CAPN10: variants seen among roughly 807,000 people sequenced by gnomAD.
CAPN10 encodes the protein calpain 10.
A neutral mutation model predicts 78.4 loss-of-function variants in CAPN10; 71 were observed. The observed-to-expected ratio is 0.91, with a 90% confidence interval of 0.75 to 1.10. The LOEUF (loss-of-function observed/expected upper bound fraction) is 1.10, where lower values mean the gene tolerates loss of function less well. CAPN10 is among the 50% of genes least tolerant of loss of function. CAPN10 has a pLI of 0.00. For missense variants in CAPN10, 849 were observed against 924.6 expected (o/e 0.92, Z 1.06); for synonymous variants, 437 against 407.2 (o/e 1.07, Z -0.88).
At position 240,595,231 on chromosome 2, in the gene CAPN10, AC is replaced by A; in HGVS notation, c.1206del (p.Asp402GlufsTer26). ...WAGRARALVG[D>X]SHTSWSPASI... ...GGCCGGGCCCGGGCACTGGTGGGTGACAGTCATACTTCGTGGAGCCCAGCGA... is the reference window on the plus strand; with the variant it reads ...GGCCGGGCCCGGGCACTGGTGGGTGAAGTCATACTTCGTGGAGCCCAGCGA... On this transcript the variant is annotated frameshift_variant, in exon 7 of 12. Coordinates refer to ENST00000391984, the MANE Select transcript of CAPN10 (RefSeq NM_023083.4). LOFTEE classifies it high-confidence loss of function. 1 of 1,613,616 alleles carries A rather than the reference AC, an allele frequency of 6.2e-7. No homozygotes were observed. Among genetic ancestry groups the A allele is most frequent in the Non-Finnish European group, 8.5e-7 (1 of 1,179,998 alleles).
At chr2:240,589,602 G>A (rs749938829) in intron 2 of CAPN10, 128 bp downstream of exon 2, 33 of 1,205,540 alleles carry the variant, frequency 2.7e-5, no homozygotes, top group Non-Finnish European at 3.8e-5. Context: ...TGTGTTGGGG[G>A]AAGGCAGGAG....
chr2:240,589,203 C>A, intron 1 of CAPN10, 140 bp from the exon 2 acceptor site: 1 of 1,110,672 alleles, frequency 9.0e-7, no homozygotes, highest in Admixed American at 1.8e-5. Flanking sequence ...TGCAGGAAAC[C>A]ACCTTCCTGT....
In CAPN10 at chr2:240,586,766, G is replaced by C. The variant is rs2093070094; in HGVS notation, c.-146G>C. 1 of 736,132 alleles carries C rather than the reference G, an allele frequency of 1.4e-6. No homozygotes were observed. Among genetic ancestry groups the C allele is most frequent in the Non-Finnish European group, 1.9e-6 (1 of 525,416 alleles). 45.6% of individuals were successfully genotyped at this position (736,132 alleles called of 1,614,324 possible). On this transcript the variant is annotated 5_prime_UTR_variant, in exon 1 of 12. Coordinates refer to ENST00000391984, the MANE Select transcript of CAPN10 (RefSeq NM_023083.4). ...CGGGCCGGCGTACTGGCCTGGTCCA[G>C]CACCTGCGGGGCCCTCGGGCTTGGA...
intron 7 of CAPN10, 118 bp downstream of exon 7, chr2:240,595,422 A>T: frequency 1.8e-6 from 2 of 1,118,930 alleles, no homozygotes; most frequent in Non-Finnish European, 1.3e-6. Flanking sequence ...GGGCCCCACC[A>T]GTCTCCCCCC....
Position 240,596,365 on chromosome 2 carries a change from C to T in CAPN10, c.1325C>T (p.Pro442Leu). 1.9e-6 allele frequency: 3 copies of T among 1,612,882 alleles called. No homozygotes were observed. Among genetic ancestry groups the T allele is most frequent in the Non-Finnish European group, 2.5e-6 (3 of 1,179,734 alleles). The change falls in exon 8 of 12, where the codon CCC becomes CTC. Residue 442 changes from proline to leucine, a missense_variant. By Grantham distance (98) the Pro-to-Leu change is moderately conservative. Coordinates refer to ENST00000391984, the MANE Select transcript of CAPN10 (RefSeq NM_023083.4). ...VNLPRVLSMP[P>L]VAGTACHAYD... ...CTGCCTAGGGTCCTGTCCATGCCCCCCGTGGCTGGCACCGCGTGCCATGCA... is the reference window on the plus strand; with the variant it reads ...CTGCCTAGGGTCCTGTCCATGCCCCTCGTGGCTGGCACCGCGTGCCATGCA...
chr2:240,590,264 G>A (rs548512825), intron 2 of CAPN10: 2 of 152,784 alleles, frequency 1.3e-5, no homozygotes, highest in African/African-American at 4.8e-5. Context: ...GAGCCCTGCG[G>A]TGGACGCTGT....
intron 9 of CAPN10, 121 bp from the exon 10 acceptor site, chr2:240,597,767 C>T (rs1358198720): frequency 3.4e-6 from 3 of 874,092 alleles, no homozygotes; most frequent in African/African-American, 3.4e-5. Context: ...CCTGGCAGCC[C>T]CTCCTCAGAG....
chr2:240,588,849 G>A (rs1046667930), intron 1 of CAPN10, among the ~76,000 whole-genome samples: 1 of 152,138 alleles, frequency 6.6e-6, no homozygotes, highest in African/African-American at 2.4e-5. Flanking sequence ...CAGGCTCTGA[G>A]GGCAGGAGAG....
At chr2:240,590,607 T>G (rs2093095314) in intron 2 of CAPN10, 1 of 558,650 alleles carries the variant, frequency 1.8e-6, no homozygotes, top group East Asian at 2.9e-5. Context: ...TAGAGTTCTC[T>G]GCGACATCCA....
At chr2:240,594,853 G>A (rs2093126131) in intron 6 of CAPN10, 144 bp downstream of exon 6, 1 of 1,212,834 alleles carries the variant, frequency 8.2e-7, no homozygotes, top group Non-Finnish European at 1.1e-6. Flanking sequence ...GCCGGGAGGA[G>A]GGTGATGATT....
chr2:240,592,424 C>T, intron 4 of CAPN10: 1 of 687,682 alleles, frequency 1.5e-6, no homozygotes, highest in Non-Finnish European at 2.7e-6. Flanking sequence ...ACTGTCTGTG[C>T]CATCCCTGGC....
At position 240,596,911 on chromosome 2, in the gene CAPN10, A is replaced by G. The variant is rs567799333; in HGVS notation, c.1712A>G (p.Glu571Gly). The change falls in exon 9 of 12, where the codon GAG becomes GGG. Residue 571 changes from glutamate to glycine, a missense_variant. Coordinates refer to ENST00000391984, the MANE Select transcript of CAPN10 (RefSeq NM_023083.4). ...LHQHCRPSDTEFHPIGFHIFQ... is the reference protein window; with the variant it reads ...LHQHCRPSDTGFHPIGFHIFQ... ...CAGCACTGCCGGCCCAGTGACACCG[A>G]GTTCCACCCCATCGGCTTCCATATC... 6.2e-7 allele frequency: 1 copy of G among 1,613,540 alleles called. No homozygotes were observed. The highest frequency in any genetic ancestry group is 2.2e-5 in the East Asian group (1 of 44,880).
At chr2:240,595,366 C>T (rs1347552373) in intron 7 of CAPN10, 62 bp downstream of exon 7, 2 of 1,558,748 alleles carry the variant, frequency 1.3e-6, no homozygotes, top group South Asian at 1.1e-5. Flanking sequence ...CCATGGAGGT[C>T]TGGGTTCTAG....
intron 3 of CAPN10, 65 bp downstream of exon 3, chr2:240,591,076 G>GC: frequency 6.7e-7 from 1 of 1,481,512 alleles, no homozygotes; most frequent in Non-Finnish European, 9.3e-7. Context: ...ACCATGGGCT[G>GC]CCCCAGGAGG....
chr2:240,589,000 C>CACTA (rs1553611993), intron 1 of CAPN10, among the ~76,000 whole-genome samples: 2 of 152,116 alleles, frequency 1.3e-5, no homozygotes, highest in Non-Finnish European at 2.9e-5. Flanking sequence ...GCTAGAGAAA[C>CACTA]AGATTTCCAG....
At chr2:240,594,318 T>C (rs902418116) in intron 5 of CAPN10, 2 of 616,854 alleles carry the variant, frequency 3.2e-6, no homozygotes, top group African/African-American at 3.7e-5. Context: ...TCCAGAGGCG[T>C]GAAGTTCCTC....
chr2:240,590,828 G>A lies in CAPN10; in HGVS notation c.287G>A (p.Gly96Glu), dbSNP rs961748012. ...TGTGCATGGCAGGTCATTCCTCCGG[G>A]ACAGCCGAGCTGGGCCGACCAGGAG... is the stretch of plus-strand genomic sequence containing the variant. ...RHLLDQVIPP[G>E]QPSWADQEYR... Residue 96 changes from glycine (G) to glutamate (E), a missense_variant, in exon 3 of 12, where the codon GGA becomes GAA. By Grantham distance (98) the Gly-to-Glu change is moderately conservative. Transcript: ENST00000391984. 2 of 1,614,014 alleles carry A rather than the reference G, an allele frequency of 1.2e-6. No individual in the cohort carries two copies. The highest frequency in any genetic ancestry group is 2.7e-5 in the African/African-American group (2 of 74,946).
At chr2:240,597,538 C>G (rs1242611596) in intron 9 of CAPN10, among the ~76,000 whole-genome samples, 1 of 152,178 alleles carries the variant, frequency 6.6e-6, no homozygotes, top group Non-Finnish European at 1.5e-5. Flanking sequence ...CCTGGGGACC[C>G]TTGGACCCTC....
At chr2:240,588,339 G>A (rs550555513) in intron 1 of CAPN10, among the ~76,000 whole-genome samples, 3 of 152,256 alleles carry the variant, frequency 2.0e-5, no homozygotes, top group Admixed American at 6.5e-5. Flanking sequence ...AGAGTGTCTC[G>A]GGGGAGTATC....
Sources: gnomAD v4.1 joint callset for allele counts (sites outside exome capture counted in the v4.1 genomes callset) on GRCh38, gnomAD v4.1.1 for gene constraint, MANE v1.5 for transcripts, NCBI Gene and HGNC (gene_info 2026-07-23, HGNC 2026-07-21) for gene names.